The following KRABD2 variants were observed in gnomAD, a reference collection of about 807,000 sequenced individuals.
The protein encoded by KRABD2 is KRAB domain containing 2.
the KRABD2 span, among the ~76,000 whole-genome samples, chr17:8,368,131 T>C: frequency 6.6e-6 from 1 of 151,654 alleles, no homozygotes; most frequent in African/African-American, 2.4e-5. Flanking sequence ...CAAGTTCAGG[T>C]CCCTAGTACC....
the KRABD2 span, chr17:8,370,049 T>A: frequency 6.2e-7 from 1 of 1,614,160 alleles, no homozygotes. Context: ...CTTCCTTATG[T>A]ACATAATACC....
At chr17:8,366,072 G>A in the KRABD2 span, among the ~76,000 whole-genome samples, 1 of 151,836 alleles carries the variant, frequency 6.6e-6, no homozygotes, top group Non-Finnish European at 1.5e-5. Flanking sequence ...AGGTTGCAGT[G>A]AGCCAAGATT....
chr17:8,359,949 G>A, the KRABD2 span: 1 of 404,828 alleles, frequency 2.5e-6, no homozygotes, highest in South Asian at 1.8e-5. Context: ...GTGGGGAGGA[G>A]GAAAGAGGCA....
the KRABD2 span, chr17:8,370,179 G>C: frequency 2.2e-5 from 35 of 1,612,618 alleles, no homozygotes; most frequent in Non-Finnish European, 2.9e-5. Context: ...TTTTTCTTTA[G>C]CTTCTTTAAC....
the KRABD2 span, chr17:8,370,072 G>T: frequency 9.9e-6 from 16 of 1,613,866 alleles, no homozygotes; most frequent in Non-Finnish European, 1.4e-5. Context: ...ATTCGATCAC[G>T]TTCTCCATGA....
the KRABD2 span, chr17:8,369,766 A>C: frequency 6.2e-7 from 1 of 1,614,114 alleles, no homozygotes; most frequent in African/African-American, 1.3e-5. Flanking sequence ...TCCTGGTAGT[A>C]TAAAATGAAC....
At chr17:8,367,119 G>C in the KRABD2 span, 1 of 152,174 alleles carries the variant, frequency 6.6e-6, no homozygotes, top group Admixed American at 6.5e-5. Context: ...AGTCCCACCA[G>C]CTTTACATTC....
the KRABD2 span, chr17:8,371,582 A>G: frequency 3.2e-6 from 5 of 1,540,776 alleles, no homozygotes; most frequent in Middle Eastern, 1.7e-4. Context: ...AATGGAAGAA[A>G]TAAGAAATAG....
the KRABD2 span, chr17:8,371,984 G>T: frequency 1.0e-6 from 1 of 986,326 alleles, no homozygotes; most frequent in Non-Finnish European, 1.2e-6. Context: ...GAGGCCAGGG[G>T]AGTTCACATG....
chr17:8,362,679 G>T, the KRABD2 span, among the ~76,000 whole-genome samples: 1 of 152,204 alleles, frequency 6.6e-6, no homozygotes, highest in Non-Finnish European at 1.5e-5. This position sits in a 1 kb window ranked among gnomAD's most constrained non-coding sequence, Gnocchi z 4.2. Context: ...TGAACTGGGG[G>T]CTGGGGAGTC....
chr17:8,375,862 G>A, the KRABD2 span: 2 of 1,221,610 alleles, frequency 1.6e-6, no homozygotes, highest in South Asian at 8.6e-5. Context: ...GAGAAAACTG[G>A]AAATATTTCC....
At chr17:8,361,595 T>C in the KRABD2 span, among the ~76,000 whole-genome samples, 1 of 152,184 alleles carries the variant, frequency 6.6e-6, no homozygotes, top group Non-Finnish European at 1.5e-5. Context: ...GCAGATTTCT[T>C]TTTTTCCCCT....
chr17:8,370,111 G>C, the KRABD2 span: 1 of 1,614,012 alleles, frequency 6.2e-7, no homozygotes, highest in African/African-American at 1.3e-5. Context: ...TCTGTGCCCT[G>C]TACAGAGATC....
chr17:8,371,784 T>G, the KRABD2 span: 95 of 1,209,106 alleles, frequency 7.9e-5, no homozygotes, highest in Non-Finnish European at 9.7e-5. Context: ...GGTGGCAGGA[T>G]CTGTTTCCAA....
At chr17:8,374,354 C>T in the KRABD2 span, among the ~76,000 whole-genome samples, 1 of 152,174 alleles carries the variant, frequency 6.6e-6, no homozygotes, top group Admixed American at 6.5e-5. Flanking sequence ...GAAACATGTG[C>T]TGTGTCCACT....
the KRABD2 span, among the ~76,000 whole-genome samples, chr17:8,373,149 C>CTCTCCGTCTCCGTCTCCG: frequency 8.7e-5 from 13 of 150,082 alleles, no homozygotes; most frequent in South Asian, 2.1e-4. Flanking sequence ...CTCTCTCCCT[C>CTCTCCGTCTCCGTCTCCG]TCTCCGTCTC....
At chr17:8,372,049 G>C in the KRABD2 span, 1 of 985,610 alleles carries the variant, frequency 1.0e-6, no homozygotes. The surrounding 1 kb of genome is among the most constrained non-coding windows in gnomAD (Gnocchi z 4.1). Context: ...GATCCCAGCT[G>C]TCAGATGCAG....
chr17:8,363,700 G>A, the KRABD2 span, among the ~76,000 whole-genome samples: 2 of 150,778 alleles, frequency 1.3e-5, no homozygotes, highest in Admixed American at 1.3e-4. Flanking sequence ...TTATTTTTAT[G>A]TAGCCAGATG....
At chr17:8,376,213 G>C in the KRABD2 span, 6 of 1,231,138 alleles carry the variant, frequency 4.9e-6, no homozygotes, top group Non-Finnish European at 6.1e-6. Context: ...CAAAAATGTC[G>C]CTTACAGGTA....
Sources: allele counts gnomAD v4.1 joint callset (sites outside exome capture counted in the v4.1 genomes callset), GRCh38; gene constraint gnomAD v4.1.1; non-coding constraint Gnocchi (gnomAD v3.1); transcripts MANE v1.5; gene names NCBI Gene and HGNC (gene_info 2026-07-23, HGNC 2026-07-21).